The following MYO1H variants were observed in gnomAD, a reference collection of about 807,000 sequenced individuals.
MYO1H encodes the protein myosin IH, also known as unconventional myosin-Ih.
MYO1H carries 118 observed loss-of-function variants against 149.3 expected under a neutral mutation model. The observed-to-expected ratio is 0.79, with a 90% CI of 0.68 to 0.92. MYO1H has a LOEUF of 0.92. Among genes scored for constraint, MYO1H ranks in the 40% least tolerant of loss-of-function variants. The probability of loss-of-function intolerance (pLI) is 0.00; values close to 1 mark genes in which losing one functional copy is unlikely to be tolerated. For missense variants in MYO1H, 1,212 were observed against 1,280.7 expected (o/e 0.95, Z 0.82); for synonymous variants, 447 against 465.2 (o/e 0.96, Z 0.50).
intron 3 of MYO1H, among the ~76,000 whole-genome samples, chr12:109,395,294 T>C (rs16940182): frequency 0.12 from 17,718 of 152,222 alleles, 1,562 homozygotes; most frequent in African/African-American, 0.24. Flanking sequence ...TCTTACTCTA[T>C]TTATTGAATT....
rs574101244 is a variant in MYO1H, at chr12:109,432,226, G to A, written c.1950-671G>A. On this transcript the variant is annotated intron_variant, in intron 19 of 31. Coordinates refer to ENST00000310903, the Ensembl canonical transcript of MYO1H. The stretch of plus-strand genomic sequence containing the variant: ...TCACCATGTTAGCCAGGATGGTCTC[G>A]ATCTCTTGACCTTGTGATCCGCCCG... Among the ~76,000 whole-genome samples, 138 of 152,018 alleles carry A rather than the reference G, an allele frequency of 9.1e-4. 1 individual carries two copies. Among genetic ancestry groups the A allele is most frequent in the African/African-American group, 2.4e-3 (101 of 41,470 alleles).
the MYO1H span, among the ~76,000 whole-genome samples, chr12:109,327,122 C>CTTTTTTTTTTTTTTTTTT: frequency 1.4e-4 from 16 of 111,400 alleles, 2 homozygotes; most frequent in African/African-American, 4.2e-4. Context: ...TTTTCTTTTT[C>CTTTTTTTTTTTTTTTTTT]TTTTTCTTTT....
Position 109,438,624 on chromosome 12 carries a change from A to G in MYO1H, c.2294+4A>G. On this transcript the variant is annotated splice_donor_region_variant and intron_variant, in intron 23 of 31. Transcript: ENST00000310903. ...GGGCCGTGCGGATTATCAGAAAGTA[A>G]GTTCTCAGGTACAACAGAGAGGACA... 1 of 1,608,156 alleles carries G rather than the reference A, an allele frequency of 6.2e-7. No homozygotes were observed. The highest frequency in any genetic ancestry group is 8.5e-7 in the Non-Finnish European group (1 of 1,177,070).
chr12:109,391,182 A>G (rs967241573), intron 2 of MYO1H, among the ~76,000 whole-genome samples: 2 of 152,166 alleles, frequency 1.3e-5, no homozygotes, highest in Non-Finnish European at 2.9e-5. Flanking sequence ...CCCATCACCA[A>G]GGTATTAAGA....
chr12:109,374,533 G>C (rs1218927768), intron 1 of MYO1H, among the ~76,000 whole-genome samples: 1 of 152,178 alleles, frequency 6.6e-6, no homozygotes, highest in Non-Finnish European at 1.5e-5. Flanking sequence ...ATTGGTGGAA[G>C]TTGAGTGTGT....
rs372231088 is a variant in MYO1H at position 109,445,538 on chromosome 12, AAAG to A, written c.3023_3025del (p.Glu1008del). ...TTTACAGTTTTTTATTAGTCCGGGA[AAAG>A]AAGGCACAATAGTTTTCGACACTGG... On this transcript the variant is annotated inframe_deletion, in exon 31 of 32. Transcript: ENST00000310903. 1,108 of 1,612,024 alleles carry A rather than the reference AAAG, an allele frequency of 6.9e-4. 3 individuals carry two copies. The Middle Eastern group carries it at 0.01, about 15-fold the overall frequency.
Position 109,420,987 on chromosome 12 carries a change from T to TG in MYO1H, c.1606dup (p.Glu536GlyfsTer5), listed in dbSNP as rs764328602. On this transcript the variant is annotated frameshift_variant, in exon 16 of 32. Coordinates refer to ENST00000310903, the Ensembl canonical transcript of MYO1H. LOFTEE classifies it high-confidence loss of function. ...TTTCTTCAATGTTTTACAGGATTCTTGGAAAAAAACAATGATCTTCTTTAC... is the reference window on the plus strand; with the variant it reads ...TTTCTTCAATGTTTTACAGGATTCTTGGGAAAAAAACAATGATCTTCTTTAC... 4 of 1,579,356 alleles carry TG rather than the reference T, an allele frequency of 2.5e-6. No individual in the cohort carries two copies. The highest frequency in any genetic ancestry group is 2.2e-5 in the East Asian group (1 of 44,626).
At chr12:109,353,301 G>A (rs1868503333) in intron 1 of MYO1H, among the ~76,000 whole-genome samples, 1 of 148,448 alleles carries the variant, frequency 6.7e-6, no homozygotes, top group Non-Finnish European at 1.5e-5. Context: ...GGCTGACGCA[G>A]GAAAATCGCT....
rs547044912 is a variant in MYO1H, at chr12:109,416,589, TCTAA to T, written c.1597+973_1597+976del. Among the ~76,000 whole-genome samples, 72 of 152,332 alleles carry T rather than the reference TCTAA, an allele frequency of 4.7e-4. 1 individual carries two copies. The South Asian group carries it at 0.013, about 28-fold the overall frequency. On this transcript the variant is annotated intron_variant, in intron 15 of 31. Transcript: ENST00000310903. ...GTAGGCACTTGGGTTGTTTATACCT[TCTAA>T]CTATTATAAAGCTACCATGAATATG...
intron 1 of MYO1H, among the ~76,000 whole-genome samples, chr12:109,362,607 T>C (rs548435176): frequency 2.0e-5 from 3 of 152,324 alleles, no homozygotes; most frequent in Admixed American, 6.5e-5. Context: ...AGAAGTAGGA[T>C]TGGACAAAAG....
At chr12:109,402,777 C>T (rs539932306) in intron 6 of MYO1H, among the ~76,000 whole-genome samples, 71 of 152,128 alleles carry the variant, frequency 4.7e-4, no homozygotes, top group Non-Finnish European at 7.8e-4. Flanking sequence ...GCTGTATGGT[C>T]GCATCATGAT....
chr12:109,344,174 C>T (rs2048095242), upstream of MYO1H, among the ~76,000 whole-genome samples: 1 of 152,124 alleles, frequency 6.6e-6, no homozygotes, highest in East Asian at 1.9e-4. Flanking sequence ...TTATTTTCAT[C>T]ACATCACATT....
chr12:109,392,436 T>C (rs6606707), intron 2 of MYO1H, among the ~76,000 whole-genome samples: 2 of 152,130 alleles, frequency 1.3e-5, no homozygotes, highest in Non-Finnish European at 2.9e-5. Flanking sequence ...TAAAGAAGTC[T>C]TCCCGGCCAG....
chr12:109,447,244 G>C, exon 32 of MYO1H: 2 of 1,454,670 alleles, frequency 1.4e-6, no homozygotes, highest in East Asian at 2.4e-5. Context: ...AACTACAGGG[G>C]AAGTGGGGAT....
chr12:109,310,856 C>T, the MYO1H span, among the ~76,000 whole-genome samples: 1 of 152,196 alleles, frequency 6.6e-6, no homozygotes, highest in African/African-American at 2.4e-5. Context: ...TAGTTGAGGT[C>T]ACAGTCATGA....
At chr12:109,382,895 TATAA>T (rs942567449) in intron 1 of MYO1H, among the ~76,000 whole-genome samples, 4 of 147,834 alleles carry the variant, frequency 2.7e-5, no homozygotes, top group Non-Finnish European at 4.5e-5. Context: ...TAATGATATA[TATAA>T]ATAAATATAT....
intron 31 of MYO1H, chr12:109,446,222 C>G: frequency 1.0e-6 from 1 of 985,456 alleles, no homozygotes; most frequent in African/African-American, 1.7e-5. Context: ...CCTGAGCACA[C>G]AAGTACGCTG....
chr12:109,406,831 C>G, exon 9 of MYO1H: 1 of 1,613,986 alleles, frequency 6.2e-7, no homozygotes, highest in Non-Finnish European at 8.5e-7. Flanking sequence ...AGCTCTCACC[C>G]ACAGAAAAAT....
At chr12:109,358,067 A>G (rs1255992348) in intron 1 of MYO1H, among the ~76,000 whole-genome samples, 3 of 150,876 alleles carry the variant, frequency 2.0e-5, no homozygotes, top group African/African-American at 7.3e-5. Context: ...GAGTTTCTAC[A>G]GTTGGCATCA....
Sources: gnomAD v4.1 joint callset for allele counts (sites outside exome capture counted in the v4.1 genomes callset) on GRCh38, gnomAD v4.1.1 for gene constraint, MANE v1.5 for transcripts, NCBI Gene and HGNC (gene_info 2026-07-23, HGNC 2026-07-21) for gene names.